RTL4: variants seen among roughly 807,000 people sequenced by gnomAD.
The protein encoded by RTL4 is retrotransposon Gag like 4, also known as retrotransposon Gag-like protein 4.
In RTL4, 4 loss-of-function variants were observed where a neutral mutation model predicts 5.3. The ratio of observed to expected loss-of-function variants is 0.75; its 90% CI spans 0.37 to 1.72. The LOEUF is 1.72. Ranked by LOEUF, RTL4 falls within the 40% of genes most tolerant of loss-of-function variation. The pLI, the probability that RTL4 is intolerant of heterozygous loss-of-function variation, is 0.04. For synonymous variants in RTL4, 98 were observed against 87.3 expected, an observed-to-expected ratio of 1.12 and a Z score of -0.68; for missense variants, 260 against 227.1, an observed-to-expected ratio of 1.14 and a Z score of -0.93.
the RTL4 span, among the ~76,000 whole-genome samples, chrX:112,402,400 T>TAGTG: frequency 1.1e-5 from 1 of 87,418 alleles, no homozygotes; most frequent in Non-Finnish European, 2.2e-5. Flanking sequence ...GGAATTATTA[T>TAGTG]TGTGTGTGTG....
the RTL4 span, among the ~76,000 whole-genome samples, chrX:112,301,985 G>A: frequency 1.8e-5 from 2 of 108,714 alleles, no homozygotes; most frequent in Non-Finnish European, 3.8e-5. Context: ...AAAAGGTCAG[G>A]GGCCGTGGCT....
At chrX:112,279,066 A>G in the RTL4 span, among the ~76,000 whole-genome samples, 578 of 111,214 alleles carry the variant, frequency 5.2e-3, 6 homozygotes, top group African/African-American at 0.018. Flanking sequence ...GAGAAAAACA[A>G]TAAGAAAACT....
the RTL4 span, among the ~76,000 whole-genome samples, chrX:112,360,642 T>C: frequency 9.0e-6 from 1 of 110,862 alleles, no homozygotes; most frequent in East Asian, 2.9e-4. Context: ...TATCACTACA[T>C]ATGCCTGCCT....
the RTL4 span, among the ~76,000 whole-genome samples, chrX:112,186,881 A>C: frequency 8.9e-6 from 1 of 112,305 alleles, no homozygotes; most frequent in African/African-American, 3.2e-5. Flanking sequence ...CTTTATGGAT[A>C]TATCAACTGA....
At chrX:112,134,305 C>A in the RTL4 span, among the ~76,000 whole-genome samples, 18 of 112,009 alleles carry the variant, frequency 1.6e-4, no homozygotes, top group Non-Finnish European at 3.4e-4. Flanking sequence ...CACTGGAAAA[C>A]CACTGGACCG....
At chrX:112,109,979 T>C in the RTL4 span, among the ~76,000 whole-genome samples, 2 of 111,882 alleles carry the variant, frequency 1.8e-5, no homozygotes, top group Non-Finnish European at 3.8e-5. Context: ...TGTAGCTTAC[T>C]GGCCTTGATC....
At chrX:112,308,175 G>A in the RTL4 span, among the ~76,000 whole-genome samples, 1 of 111,129 alleles carries the variant, frequency 9.0e-6, no homozygotes, top group Non-Finnish European at 1.9e-5. Flanking sequence ...GGGTGAGCGG[G>A]GTTAGAAAAG....
the RTL4 span, among the ~76,000 whole-genome samples, chrX:112,392,939 C>T: frequency 9.1e-6 from 1 of 110,143 alleles, no homozygotes; most frequent in Admixed American, 9.5e-5. Context: ...CTAGGTCACC[C>T]AAACAGCAAA....
chrX:112,143,280 A>AG, the RTL4 span, among the ~76,000 whole-genome samples: 1 of 111,103 alleles, frequency 9.0e-6, no homozygotes, highest in Non-Finnish European at 1.9e-5. Context: ...TATTAAAAAA[A>AG]CACTTCAAAA....
the RTL4 span, among the ~76,000 whole-genome samples, chrX:112,130,968 TG>T: frequency 1.9e-5 from 2 of 106,039 alleles, no homozygotes; most frequent in African/African-American, 7.4e-5. Flanking sequence ...TAATTTTTTT[TG>T]TATTTTTTTT....
the RTL4 span, among the ~76,000 whole-genome samples, chrX:112,190,089 A>G: frequency 8.9e-6 from 1 of 112,019 alleles, no homozygotes; most frequent in Admixed American, 9.4e-5. Flanking sequence ...CAAATTTGCA[A>G]GAAAAATGCA....
the RTL4 span, among the ~76,000 whole-genome samples, chrX:112,219,451 G>T: frequency 1.2e-4 from 14 of 112,205 alleles, no homozygotes; most frequent in Non-Finnish European, 2.1e-4. Flanking sequence ...TTGGCTTGAA[G>T]ATCATGCTAA....
At chrX:112,212,147 C>T in the RTL4 span, among the ~76,000 whole-genome samples, 1 of 112,089 alleles carries the variant, frequency 8.9e-6, no homozygotes, top group South Asian at 3.7e-4. Flanking sequence ...GAGGCCGAGG[C>T]GGGCGGATCA....
At chrX:112,324,387 T>C in the RTL4 span, among the ~76,000 whole-genome samples, 12 of 112,045 alleles carry the variant, frequency 1.1e-4, no homozygotes, top group Non-Finnish European at 1.5e-4. Context: ...TTCCTAAGCT[T>C]TGGGGGTCAA....
the RTL4 span, among the ~76,000 whole-genome samples, chrX:112,138,651 T>A: frequency 9.0e-6 from 1 of 111,636 alleles, no homozygotes; most frequent in East Asian, 2.8e-4. Flanking sequence ...CAAAGTTGTT[T>A]TAACTATTTC....
At chrX:112,281,996 T>C in the RTL4 span, among the ~76,000 whole-genome samples, 1 of 112,295 alleles carries the variant, frequency 8.9e-6, no homozygotes, top group South Asian at 3.7e-4. Flanking sequence ...TTTGATATAA[T>C]CTCACTTGTG....
the RTL4 span, among the ~76,000 whole-genome samples, chrX:112,316,536 A>G: frequency 8.9e-6 from 1 of 111,947 alleles, no homozygotes; most frequent in African/African-American, 3.2e-5. Context: ...CTTTACCGCT[A>G]TGCAATATAT....
the RTL4 span, among the ~76,000 whole-genome samples, chrX:112,117,097 C>A: frequency 0.17 from 18,136 of 109,166 alleles, 2,434 homozygotes; most frequent in African/African-American, 0.44. Context: ...TGTTAAAAAG[C>A]AAAAACTAAT....
the RTL4 span, among the ~76,000 whole-genome samples, chrX:112,279,417 T>G: frequency 8.9e-6 from 1 of 111,819 alleles, no homozygotes; most frequent in African/African-American, 3.2e-5. Context: ...TGGAGCCATG[T>G]TTTTTAAATC....
Sources: gnomAD v4.1 joint callset for allele counts (sites outside exome capture counted in the v4.1 genomes callset) on GRCh38, gnomAD v4.1.1 for gene constraint, MANE v1.5 for transcripts, NCBI Gene and HGNC (gene_info 2026-07-23, HGNC 2026-07-21) for gene names.